Variants in GCN1 observed in about 807,000 individuals in gnomAD.
The protein encoded by GCN1 is GCN1 activator of EIF2AK4.
Under a neutral mutation model 288.4 loss-of-function variants are expected in GCN1, and 90 were observed. That is an observed-to-expected ratio of 0.31 (90% CI 0.26 to 0.37). GCN1 has a LOEUF of 0.37. Ranked by LOEUF, GCN1 falls within the 10% of genes least tolerant of loss-of-function variation. The pLI is 1.00. For missense variants in GCN1, 2,586 were observed against 3,419.9 expected, an observed-to-expected ratio of 0.76 and a Z score of 6.08; for synonymous variants, 1,386 against 1,420.2, an observed-to-expected ratio of 0.98 and a Z score of 0.54.
chr12:120,182,685 C>A (rs968489060), intron 5 of GCN1, among the ~76,000 whole-genome samples: 4 of 152,198 alleles, frequency 2.6e-5, no homozygotes, highest in Admixed American at 2.6e-4. Flanking sequence ...CACCTATAAT[C>A]CCAACACTTT....
chr12:120,192,471 T>TA (rs1461743674), intron 1 of GCN1, among the ~76,000 whole-genome samples: 1 of 152,212 alleles, frequency 6.6e-6, no homozygotes, highest in Non-Finnish European at 1.5e-5. Context: ...CTCACGCCTG[T>TA]AATCCCAGCA....
chr12:120,148,153 C>T lies in GCN1; in HGVS notation c.4726+14G>A, dbSNP rs376705476. 1.1e-5 allele frequency: 18 copies of T among 1,599,722 alleles called. No homozygotes were observed. Among genetic ancestry groups the T allele is most frequent in the African/African-American group, 5.4e-5 (4 of 74,686 alleles). ...TGGGAGGTCAGGGCAAGCACCCTCA[C>T]GGGAAAGGCCTACCCAGGATCTCCG... On this transcript the variant is annotated intron_variant, in intron 37 of 57. Transcript: ENST00000300648.
chr12:120,194,021 C>T (rs1179482647), intron 1 of GCN1, among the ~76,000 whole-genome samples: 1 of 152,200 alleles, frequency 6.6e-6, no homozygotes, highest in Non-Finnish European at 1.5e-5. Flanking sequence ...ACAAGGTACC[C>T]ATAGGTAACA....
At chr12:120,143,989 T>C (rs74685144) in intron 42 of GCN1, among the ~76,000 whole-genome samples, 2 of 152,218 alleles carry the variant, frequency 1.3e-5, no homozygotes, top group African/African-American at 4.8e-5. Flanking sequence ...TCTTTTTTTT[T>C]CTCCTAAGAC....
At chr12:120,133,520 T>A (rs951547798) in intron 53 of GCN1, among the ~76,000 whole-genome samples, 4 of 151,976 alleles carry the variant, frequency 2.6e-5, no homozygotes, top group African/African-American at 9.7e-5. Flanking sequence ...CCTCTAAGAC[T>A]TGCCACCGGG....
chr12:120,148,852 C>T (rs969832852), intron 36 of GCN1, among the ~76,000 whole-genome samples: 4 of 152,094 alleles, frequency 2.6e-5, no homozygotes, highest in Non-Finnish European at 5.9e-5. Flanking sequence ...CAGGGTCTCA[C>T]GCTGCTGCCC....
intron 8 of GCN1, 26 bp from the exon 9 acceptor site, chr12:120,177,581 C>G: frequency 4.5e-6 from 7 of 1,555,998 alleles, no homozygotes; most frequent in Non-Finnish European, 6.2e-6. Context: ...AATAAGGCAC[C>G]TAGCCCTCAT....
At chr12:120,180,603 CA>C (rs1019229683) in intron 5 of GCN1, among the ~76,000 whole-genome samples, 2 of 148,410 alleles carry the variant, frequency 1.3e-5, no homozygotes, top group African/African-American at 5.0e-5. Flanking sequence ...GACTCTGTCT[CA>C]AAAAAAAACA....
Position 120,178,905 on chromosome 12 carries a change from G to T in GCN1, c.472C>A (p.His158Asn). Residue 158 changes from histidine to asparagine, a missense_variant, in exon 6 of 58, where the codon CAC (histidine) becomes AAC (asparagine). Transcript: ENST00000300648. ...LLLLEVLGGS[H>N]KHAVDGAVKK... Reference sequence around the variant, plus strand: ...ACAGCACCATCCACGGCGTGCTTGTGGGAGCCACCCAGCACCTCCAGCAAG... The same window carrying T: ...ACAGCACCATCCACGGCGTGCTTGTTGGAGCCACCCAGCACCTCCAGCAAG... The T allele has an allele frequency of 6.8e-6, 11 of 1,614,018 alleles. No homozygotes were observed. Among genetic ancestry groups the T allele is most frequent in the Non-Finnish European group, 8.5e-6 (10 of 1,180,004 alleles).
At chr12:120,157,084 G>C (rs1594273090) in intron 26 of GCN1, 92 bp from the exon 27 acceptor site, 1 of 781,844 alleles carries the variant, frequency 1.3e-6, no homozygotes, top group East Asian at 2.6e-5. Context: ...ACCCACGGGG[G>C]AACATTCTGG....
In GCN1 at chr12:120,158,401, C is replaced by G. The variant is rs922210918; in HGVS notation, c.2905+59G>C. 1.8e-5 allele frequency: 25 copies of G among 1,415,610 alleles called. No individual in the cohort carries two copies. In the African/African-American group the frequency reaches 3.3e-4, roughly 18 times the overall value. 87.7% of individuals were successfully genotyped at this position (1,415,610 alleles called of 1,614,324 possible). A position where few individuals can be genotyped will look rare whatever the true frequency, so the allele number is the denominator to read the frequency against. ...GCCCTGGGTGACGCTGTGCCTTGAG[C>G]AGCATTCCTGGCACCAGCTCACACC... is the stretch of plus-strand genomic sequence containing the variant. On this transcript the variant is annotated intron_variant, in intron 25 of 57. Coordinates refer to ENST00000300648, the MANE Select transcript of GCN1 (RefSeq NM_006836.2). The surrounding 1 kb of genome is among the most constrained non-coding windows in gnomAD (Gnocchi z 4.3).
At chr12:120,168,703 T>C (rs933193166) in intron 15 of GCN1, among the ~76,000 whole-genome samples, 1 of 152,176 alleles carries the variant, frequency 6.6e-6, no homozygotes, top group Non-Finnish European at 1.5e-5. Context: ...GCTTCCTCCA[T>C]GAAGCCCTTC....
chr12:120,170,519 A>T (rs898427609), intron 14 of GCN1, among the ~76,000 whole-genome samples, 198 bp from the exon 15 acceptor site: 2 of 152,184 alleles, frequency 1.3e-5, no homozygotes, highest in African/African-American at 4.8e-5. Flanking sequence ...GAGAAAGATA[A>T]TCCTTATGGC....
At chr12:120,173,338 G>A (rs1349160435) in intron 14 of GCN1, among the ~76,000 whole-genome samples, 5 of 152,042 alleles carry the variant, frequency 3.3e-5, no homozygotes, top group East Asian at 1.9e-4. Context: ...GTGAGCCACC[G>A]CACCCAGCCC....
In GCN1 at chr12:120,164,403, G is replaced by C; in HGVS notation, c.1781C>G (p.Ser594Cys). The change falls in exon 18 of 58, where the codon TCT (serine) becomes TGT (cysteine). Residue 594 changes from serine (S) to cysteine (C), a missense_variant. This residue lies in a region of GCN1 where 913 missense variants were observed against 1,107.0 expected (regional missense o/e 0.82). Coordinates refer to ENST00000300648, the MANE Select transcript of GCN1 (RefSeq NM_006836.2). Reference sequence around the variant, plus strand: ...GTGCGCCAGCTTAAAGCCCCCAAGAGAGGACAGCAGCTTCCGAACTGTCTG... The same window carrying C: ...GTGCGCCAGCTTAAAGCCCCCAAGACAGGACAGCAGCTTCCGAACTGTCTG... ...AQQTVRKLLS[S>C]LGGFKLAHGL... 1 of 1,614,180 alleles carries C rather than the reference G, an allele frequency of 6.2e-7. No homozygotes were observed. Among genetic ancestry groups the C allele is most frequent in the Non-Finnish European group, 8.5e-7 (1 of 1,180,020 alleles).
At chr12:120,129,183 A>T in intron 57 of GCN1, 93 bp downstream of exon 57, 1 of 999,500 alleles carries the variant, frequency 1.0e-6, no homozygotes, top group South Asian at 1.4e-5. Flanking sequence ...GTGGTGGCAG[A>T]GAAGAGCCTG....
At chr12:120,161,152 T>C (rs992594538) in intron 22 of GCN1, among the ~76,000 whole-genome samples, 1 of 152,194 alleles carries the variant, frequency 6.6e-6, no homozygotes, top group Non-Finnish European at 1.5e-5. Flanking sequence ...TACCAGGCGC[T>C]GTGCCTGCTA....
At chr12:120,176,564 G>A (rs1420714452) in intron 9 of GCN1, among the ~76,000 whole-genome samples, 1 of 152,190 alleles carries the variant, frequency 6.6e-6, no homozygotes, top group Non-Finnish European at 1.5e-5. Flanking sequence ...CTTTTGGGGA[G>A]GTGGAGGGGT....
chr12:120,162,786 A>G, intron 20 of GCN1, 61 bp downstream of exon 20: 1 of 1,565,980 alleles, frequency 6.4e-7, no homozygotes, highest in Non-Finnish European at 8.8e-7. Flanking sequence ...CTCTTCCTGT[A>G]CACTGTGATG....
Sources: allele counts gnomAD v4.1 joint callset (sites outside exome capture counted in the v4.1 genomes callset), GRCh38; gene constraint gnomAD v4.1.1; regional missense constraint gnomAD v4.1.1; non-coding constraint Gnocchi (gnomAD v3.1); transcripts MANE v1.5; gene names NCBI Gene and HGNC (gene_info 2026-07-23, HGNC 2026-07-21).